Variants in TLL2 observed in about 807,000 individuals in gnomAD.
TLL2 encodes the protein tolloid-like protein 2.
TLL2 carries 106 observed loss-of-function variants against 123.0 expected under a neutral mutation model. The observed-to-expected ratio is 0.86, with a 90% CI of 0.74 to 1.01. The LOEUF is 1.01. TLL2 is among the 50% of genes least tolerant of loss of function. TLL2 has a pLI of 0.00. For missense variants in TLL2, 1,332 were observed against 1,336.7 expected, an observed-to-expected ratio of 1.00 and a Z score of 0.06; for synonymous variants, 494 against 516.8, an observed-to-expected ratio of 0.96 and a Z score of 0.60.
At chr10:96,472,666 G>A (rs1847195472) in intron 2 of TLL2, among the ~76,000 whole-genome samples, 1 of 152,068 alleles carries the variant, frequency 6.6e-6, no homozygotes, top group Non-Finnish European at 1.5e-5. Flanking sequence ...GGAGGCTGAG[G>A]TGAGAGGATG....
At chr10:96,471,557 G>A (rs1337377164) in intron 2 of TLL2, among the ~76,000 whole-genome samples, 1 of 152,198 alleles carries the variant, frequency 6.6e-6, no homozygotes. Context: ...AACCCTGCGG[G>A]TATTACTGTT....
chr10:96,433,727 CT>C (rs561227220), intron 3 of TLL2, among the ~76,000 whole-genome samples: 95 of 152,230 alleles, frequency 6.2e-4, no homozygotes, highest in African/African-American at 2.3e-3. Flanking sequence ...AGTTTTTATA[CT>C]TTTTCCCCTA....
intron 1 of TLL2, among the ~76,000 whole-genome samples, chr10:96,511,879 C>T (rs1032449340): frequency 1.1e-4 from 16 of 152,314 alleles, no homozygotes; most frequent in African/African-American, 3.8e-4. Context: ...TCCCTTTATC[C>T]CACACCTATT....
intron 3 of TLL2, 144 bp from the exon 4 acceptor site, chr10:96,433,106 C>T: frequency 9.1e-7 from 1 of 1,095,080 alleles, no homozygotes; most frequent in Non-Finnish European, 1.3e-6. Flanking sequence ...GGTTTGGAAG[C>T]CCTGGGTGGC....
intron 1 of TLL2, among the ~76,000 whole-genome samples, chr10:96,500,814 G>GAGGC (rs1847527293): frequency 2.7e-5 from 4 of 145,672 alleles, no homozygotes; most frequent in Non-Finnish European, 3.0e-5. Context: ...CGGAGGGAGG[G>GAGGC]AGGGAGGGGA....
At position 96,379,143 on chromosome 10, in the gene TLL2, C is replaced by A. The variant is rs569636382; in HGVS notation, c.2195-51G>T. 122 of 1,584,818 alleles carry A rather than the reference C, an allele frequency of 7.7e-5. No homozygotes were observed. The East Asian group carries it at 2.6e-3, about 34-fold the overall frequency. ...AGAGGAACCGCCAACTTGCAAATGTCCCTCAGGGCTCAGAATCCCACTTAA... is the reference window on the plus strand; with the variant it reads ...AGAGGAACCGCCAACTTGCAAATGTACCTCAGGGCTCAGAATCCCACTTAA... On this transcript the variant is annotated intron_variant, in intron 16 of 20. Transcript: ENST00000357947.
intron 2 of TLL2, among the ~76,000 whole-genome samples, chr10:96,469,627 C>A (rs1847159895): frequency 6.6e-6 from 1 of 152,278 alleles, no homozygotes; most frequent in Non-Finnish European, 1.5e-5. Context: ...GCTCCCCCAA[C>A]CCAGTGGGGG....
rs535050805 is a variant in TLL2, at chr10:96,432,891, G to T, written c.436C>A (p.Arg146=). The change falls in exon 4 of 21, where the codon CGG becomes AGG. Residue 146 remains arginine (R), a synonymous_variant. Coordinates refer to ENST00000357947, the MANE Select transcript of TLL2 (RefSeq NM_012465.4). ...LHAAAKTFSP[R]VRRATTSRTE... ...CTTGAGGTTGTGGCTCTTCGGACCC[G>T]GGGAGAGAAGGTCTTGGCTGCGGCA... 7 of 1,614,116 alleles carry T rather than the reference G, an allele frequency of 4.3e-6. No homozygotes were observed. The highest frequency in any genetic ancestry group is 3.3e-4 in the Middle Eastern group (2 of 6,062).
intron 1 of TLL2, among the ~76,000 whole-genome samples, chr10:96,492,392 G>C (rs529510869): frequency 6.6e-6 from 1 of 152,326 alleles, no homozygotes; most frequent in African/African-American, 2.4e-5. Context: ...GGGAGGCCGA[G>C]GTGGGTGGGT....
chr10:96,456,340 A>T (rs776895130), intron 2 of TLL2, among the ~76,000 whole-genome samples: 7 of 152,148 alleles, frequency 4.6e-5, no homozygotes, highest in Admixed American at 1.3e-4. Flanking sequence ...TCACAGACAC[A>T]TGTGTGTATT....
chr10:96,485,522 G>C (rs1847347836), intron 1 of TLL2, among the ~76,000 whole-genome samples: 1 of 152,076 alleles, frequency 6.6e-6, no homozygotes, highest in Non-Finnish European at 1.5e-5. Flanking sequence ...GATATAAATG[G>C]CCAACACATG....
Position 96,379,004 on chromosome 10 carries a change from G to T in TLL2, c.2283C>A (p.Gly761=), listed in dbSNP as rs200908973. The T allele has an allele frequency of 6.2e-7, 1 of 1,614,090 alleles. No homozygotes were observed. Among genetic ancestry groups the T allele is most frequent in the Non-Finnish European group, 8.5e-7 (1 of 1,180,040 alleles). The change falls in exon 17 of 21, where the codon GGC becomes GGA. Residue 761 remains glycine (G), a synonymous_variant. Coordinates refer to ENST00000357947, the MANE Select transcript of TLL2 (RefSeq NM_012465.4). ...CATGCCCATTCTCGTGGAGCCAGTA[G>T]CCGTTTCTGCACCTGCACAGGTAGC... ...FGSYLCRCRN[G]YWLHENGHDC... is the part of the protein sequence containing the mutation.
At chr10:96,462,185 A>G (rs1348792332) in intron 2 of TLL2, among the ~76,000 whole-genome samples, 1 of 152,184 alleles carries the variant, frequency 6.6e-6, no homozygotes, top group Non-Finnish European at 1.5e-5. Flanking sequence ...TCAATGAGGT[A>G]AAGTCCTTGG....
intron 9 of TLL2, among the ~76,000 whole-genome samples, chr10:96,407,998 CA>C (rs995516282): frequency 9.2e-5 from 14 of 152,334 alleles, no homozygotes; most frequent in South Asian, 4.1e-4. Context: ...TCATACCAAG[CA>C]AACACCCTTC....
chr10:96,403,493 G>A (rs915994303), intron 10 of TLL2, among the ~76,000 whole-genome samples: 5 of 152,198 alleles, frequency 3.3e-5, no homozygotes, highest in Admixed American at 1.3e-4. Flanking sequence ...CTAGGGCTGC[G>A]CAGGACATGC....
intron 1 of TLL2, among the ~76,000 whole-genome samples, chr10:96,492,347 G>A (rs1312139805): frequency 6.6e-6 from 1 of 152,196 alleles, no homozygotes; most frequent in East Asian, 1.9e-4. Flanking sequence ...ATCCCTGCTA[G>A]GCGCCGTGGC....
Position 96,364,839 on chromosome 10 carries a change from C to T in TLL2, c.*3249G>A, listed in dbSNP as rs1846008445. 1 of 152,450 alleles carries T rather than the reference C, an allele frequency of 6.6e-6. No homozygotes were observed. Among genetic ancestry groups the T allele is most frequent in the South Asian group, 2.1e-4 (1 of 4,828 alleles). 9.4% of individuals were successfully genotyped at this position (152,450 alleles called of 1,614,324 possible). ...CGGTCTACAAAAGAAACTTTAAAAA[C>T]ATCTGCTAAAGCCAAGGGAACATTT... On this transcript the variant is annotated 3_prime_UTR_variant, in exon 21 of 21. Transcript: ENST00000357947.
In TLL2 at chr10:96,432,810, T is replaced by G; in HGVS notation, c.517A>C (p.Thr173Pro). Residue 173 changes from threonine (T) to proline (P), a missense_variant, in exon 4 of 21, where the codon ACT becomes CCT. Physicochemically the swap from Thr to Pro is conservative, Grantham distance 38. Coordinates refer to ENST00000357947, the MANE Select transcript of TLL2 (RefSeq NM_012465.4). ...VIPYVIGGNF[T>P]GSQRAIFKQA... ...GACCTTGTCTGTGGCTACTGACCAGTGAAGTTCCCTCCAATGACGTAGGGG... is the reference window on the plus strand; with the variant it reads ...GACCTTGTCTGTGGCTACTGACCAGGGAAGTTCCCTCCAATGACGTAGGGG... 6.2e-7 allele frequency: 1 copy of G among 1,613,704 alleles called. No homozygotes were observed.
intron 1 of TLL2, among the ~76,000 whole-genome samples, chr10:96,485,088 A>C (rs138086009): frequency 6.6e-6 from 1 of 152,350 alleles, no homozygotes; most frequent in Non-Finnish European, 1.5e-5. Context: ...AATGTGCAAA[A>C]GAATAAAGTT....
Sources: allele counts gnomAD v4.1 joint callset (sites outside exome capture counted in the v4.1 genomes callset), GRCh38; gene constraint gnomAD v4.1.1; transcripts MANE v1.5; gene names NCBI Gene and HGNC (gene_info 2026-07-23, HGNC 2026-07-21).